The following ANKRD13C variants were observed in gnomAD, a reference collection of about 807,000 sequenced individuals.
ANKRD13C encodes the protein ankyrin repeat domain-containing protein 13C.
In ANKRD13C, 16 loss-of-function variants were observed where a neutral mutation model predicts 65.5. The observed-to-expected ratio is 0.24, with a 90% confidence interval of 0.17 to 0.37. The LOEUF is 0.37. Ranked by LOEUF, ANKRD13C falls within the 10% of genes least tolerant of loss-of-function variation. The probability of loss-of-function intolerance (pLI) is 1.00; values close to 1 mark genes in which losing one functional copy is unlikely to be tolerated. For missense variants in ANKRD13C, 503 were observed against 655.9 expected, an observed-to-expected ratio of 0.77 and a Z score of 2.55; for synonymous variants, 235 against 238.7, an observed-to-expected ratio of 0.98 and a Z score of 0.14.
At chr1:70,311,231 G>A (rs924512271) in intron 5 of ANKRD13C, among the ~76,000 whole-genome samples, 3 of 152,044 alleles carry the variant, frequency 2.0e-5, no homozygotes, top group South Asian at 2.1e-4. Context: ...AGTAGCTCAC[G>A]CCTGTAATCC....
intron 1 of ANKRD13C, among the ~76,000 whole-genome samples, chr1:70,340,995 C>T (rs369210486): frequency 4.6e-5 from 7 of 151,914 alleles, no homozygotes; most frequent in Admixed American, 6.6e-5. Context: ...CCTGTAGGCC[C>T]GCTACTCAGG....
chr1:70,269,852 G>C (rs1678800124), intron 12 of ANKRD13C, among the ~76,000 whole-genome samples: 1 of 152,008 alleles, frequency 6.6e-6, no homozygotes, highest in Admixed American at 6.6e-5. Flanking sequence ...CTGAGATGTG[G>C]TTTTAAAAAT....
intron 11 of ANKRD13C, among the ~76,000 whole-genome samples, chr1:70,272,305 A>C (rs1326803860): frequency 6.6e-6 from 1 of 151,454 alleles, no homozygotes; most frequent in Non-Finnish European, 1.5e-5. Context: ...GGCTCAACGC[A>C]AACTCCGCCT....
At chr1:70,338,193 T>C (rs2101598824) in intron 1 of ANKRD13C, among the ~76,000 whole-genome samples, 1 of 152,282 alleles carries the variant, frequency 6.6e-6, no homozygotes, top group Middle Eastern at 3.4e-3. Context: ...AGAAATTGCA[T>C]ACCTATCTCA....
At chr1:70,277,373 C>T (rs959068242) in intron 9 of ANKRD13C, among the ~76,000 whole-genome samples, 1 of 150,762 alleles carries the variant, frequency 6.6e-6, no homozygotes, top group Non-Finnish European at 1.5e-5. Flanking sequence ...CAGAGAATTG[C>T]TTGAATCTAG....
Position 70,259,887 on chromosome 1 carries a change from G to A in ANKRD13C, c.*2830C>T, listed in dbSNP as rs999251251. On this transcript the variant is annotated 3_prime_UTR_variant, in exon 13 of 13. Transcript: ENST00000370944. ...CAACTGAACCCCTAACCTCCATGTT[G>A]TTCAAGGGTCAGCTGTACTTATTTA... 6.6e-6 allele frequency among the ~76,000 whole-genome samples: 1 copy of A among 152,142 alleles called. No individual in the cohort carries two copies. The highest frequency in any genetic ancestry group is 2.4e-5 in the African/African-American group (1 of 41,434).
At chr1:70,277,533 C>G (rs920368596) in intron 9 of ANKRD13C, among the ~76,000 whole-genome samples, 16 of 145,802 alleles carry the variant, frequency 1.1e-4, no homozygotes, top group African/African-American at 4.0e-4. Context: ...CAGACATGAA[C>G]AGTTAACCAG....
intron 2 of ANKRD13C, among the ~76,000 whole-genome samples, chr1:70,329,233 A>G (rs1254993923): frequency 1.3e-5 from 2 of 152,218 alleles, no homozygotes; most frequent in Admixed American, 1.3e-4. Flanking sequence ...CAAAAAAATC[A>G]TTAAAGAAAA....
intron 1 of ANKRD13C, among the ~76,000 whole-genome samples, chr1:70,346,714 A>C (rs1682539928): frequency 6.6e-6 from 1 of 152,168 alleles, no homozygotes. Context: ...CTATCTTCTT[A>C]TCACCCTCAC....
chr1:70,341,856 T>C (rs2101614260), intron 1 of ANKRD13C, among the ~76,000 whole-genome samples: 1 of 152,178 alleles, frequency 6.6e-6, no homozygotes, highest in Non-Finnish European at 1.5e-5. Context: ...TGTCCTCATA[T>C]AGAGAATGGA....
chr1:70,297,287 A>ATTTTT (rs748635051), intron 7 of ANKRD13C, among the ~76,000 whole-genome samples: 3 of 98,802 alleles, frequency 3.0e-5, no homozygotes, highest in African/African-American at 7.7e-5. Context: ...TCCCTTTCTG[A>ATTTTT]TTTTTTTTTT....
intron 12 of ANKRD13C, among the ~76,000 whole-genome samples, chr1:70,269,962 T>C (rs1207042919): frequency 6.6e-6 from 1 of 152,200 alleles, no homozygotes; most frequent in Non-Finnish European, 1.5e-5. Context: ...AAGCTTGAAT[T>C]AATGCTAAAT....
chr1:70,276,477 C>T (rs950812754), intron 10 of ANKRD13C, among the ~76,000 whole-genome samples: 3 of 152,140 alleles, frequency 2.0e-5, no homozygotes, highest in Non-Finnish European at 4.4e-5. Context: ...GCGCAATTTC[C>T]TATATCATAT....
chr1:70,289,300 A>G (rs1233882105), intron 9 of ANKRD13C, among the ~76,000 whole-genome samples: 1 of 152,184 alleles, frequency 6.6e-6, no homozygotes, highest in Non-Finnish European at 1.5e-5. Flanking sequence ...TTAACTATTC[A>G]AATACATCCG....
In ANKRD13C at chr1:70,314,979, C is replaced by T. The variant is rs548919997; in HGVS notation, c.663+502G>A. 7.2e-5 allele frequency among the ~76,000 whole-genome samples: 11 copies of T among 152,304 alleles called. No homozygotes were observed. In the South Asian group the frequency reaches 2.3e-3, roughly 32 times the overall value. ...ACAGGCCGGGCACGGTGGCTCACGC[C>T]TATAATCCCAGCACTCTAGGAGGCT... On this transcript the variant is annotated intron_variant, in intron 4 of 12. Coordinates refer to ENST00000370944, the MANE Select transcript of ANKRD13C (RefSeq NM_030816.5).
intron 5 of ANKRD13C, 112 bp from the exon 6 acceptor site, chr1:70,306,402 C>A: frequency 1.7e-6 from 1 of 590,926 alleles, no homozygotes; most frequent in Non-Finnish European, 2.7e-6. Context: ...ATAATAATTT[C>A]CTTTCAAATA....
chr1:70,287,895 G>A (rs572154689), intron 9 of ANKRD13C, among the ~76,000 whole-genome samples: 2 of 152,112 alleles, frequency 1.3e-5, no homozygotes, highest in African/African-American at 2.4e-5. Context: ...TGATGCATGC[G>A]TGTAATCTCA....
chr1:70,332,136 G>A (rs1369574399), intron 2 of ANKRD13C, among the ~76,000 whole-genome samples: 1 of 152,128 alleles, frequency 6.6e-6, no homozygotes, highest in South Asian at 2.1e-4. Flanking sequence ...ATCTAACCAA[G>A]TGTTTCCCAA....
At chr1:70,315,192 C>T (rs575547524) in intron 4 of ANKRD13C, among the ~76,000 whole-genome samples, 1 of 152,164 alleles carries the variant, frequency 6.6e-6, no homozygotes, top group South Asian at 2.1e-4. Flanking sequence ...TCTTCTAATT[C>T]AAAGGCAAAG....
Sources: allele counts gnomAD v4.1 joint callset (sites outside exome capture counted in the v4.1 genomes callset), GRCh38; gene constraint gnomAD v4.1.1; transcripts MANE v1.5; gene names NCBI Gene and HGNC (gene_info 2026-07-23, HGNC 2026-07-21).